Variants in SPTA1 observed in about 807,000 individuals in gnomAD.
SPTA1 encodes the protein spectrin alpha, erythrocytic 1.
SPTA1 carries 177 observed loss-of-function variants against 324.7 expected under a neutral mutation model. The observed-to-expected ratio is 0.55, with a 90% CI of 0.48 to 0.62. The LOEUF (loss-of-function observed/expected upper bound fraction) is 0.62, where lower values mean the gene tolerates loss of function less well. SPTA1 is among the 20% of genes least tolerant of loss of function. The pLI, the probability that SPTA1 is intolerant of heterozygous loss-of-function variation, is 0.00. For synonymous variants in SPTA1, 1,195 were observed against 1,041.3 expected (o/e 1.15, Z -2.84); for missense variants, 3,162 against 2,883.6 (o/e 1.10, Z -2.21).
chr1:158,659,813 T>G lies in SPTA1; in HGVS notation c.2587+1474A>C, dbSNP rs1653088564. On this transcript the variant is annotated intron_variant, in intron 18 of 51. Coordinates refer to ENST00000643759, the MANE Select transcript of SPTA1 (RefSeq NM_003126.4). ...TTTTAGTAGAGACGGGGTTTCACCT[T>G]GTTAGCCAGGATGGTCTCGATCTCC... Among the ~76,000 whole-genome samples, 2 of 67,534 alleles carry G rather than the reference T, an allele frequency of 3.0e-5. 1 individual carries two copies. The highest frequency in any genetic ancestry group is 2.9e-4 in the Admixed American group (2 of 7,006). The allele number at this position is 67,534 out of a possible 152,430, so 44.3% of individuals were successfully genotyped here. A position where few individuals can be genotyped will look rare whatever the true frequency, so the allele number is the denominator to read the frequency against.
intron 42 of SPTA1, among the ~76,000 whole-genome samples, chr1:158,623,814 A>G (rs1439623844): frequency 6.6e-6 from 1 of 152,212 alleles, no homozygotes; most frequent in Non-Finnish European, 1.5e-5. Context: ...CAGAGACTGG[A>G]GTGCTACTAT....
intron 45 of SPTA1, among the ~76,000 whole-genome samples, chr1:158,618,543 C>T (rs1000692977): frequency 4.6e-5 from 7 of 152,194 alleles, no homozygotes; most frequent in African/African-American, 1.7e-4. Context: ...ACCATGTATT[C>T]TAATATATTA....
chr1:158,619,417 C>T lies in SPTA1; in HGVS notation c.6418-83G>A, dbSNP rs1320186152. 1.1e-5 allele frequency: 15 copies of T among 1,306,320 alleles called. No individual in the cohort carries two copies. The South Asian group carries it at 1.5e-4, about 13-fold the overall frequency. The allele number at this position is 1,306,320 out of a possible 1,614,324, so 80.9% of individuals were successfully genotyped here. A position where few individuals can be genotyped will look rare whatever the true frequency, so the allele number is the denominator to read the frequency against. ...GAGAATTGGTTTGTAGGCTTAACTG[C>T]ATATCTTTCCTCTCTCAAGTCTAAC... On this transcript the variant is annotated intron_variant, in intron 44 of 51. Transcript: ENST00000643759.
chr1:158,661,794 T>C (rs1012007730), intron 17 of SPTA1, among the ~76,000 whole-genome samples: 9 of 152,236 alleles, frequency 5.9e-5, no homozygotes, highest in African/African-American at 1.9e-4. Flanking sequence ...AGAAAGTTTT[T>C]AAATCTTCTA....
intron 27 of SPTA1, among the ~76,000 whole-genome samples, 161 bp from the exon 28 acceptor site, chr1:158,645,755 T>A (rs547646600): frequency 3.9e-5 from 6 of 152,358 alleles, no homozygotes; most frequent in African/African-American, 1.4e-4. Flanking sequence ...TTTTATTATA[T>A]CACCTAATGA....
chr1:158,674,374 G>A lies in SPTA1; in HGVS notation c.1305C>T (p.Asp435=), dbSNP rs1308245347. The change falls in exon 10 of 52, where the codon GAC becomes GAT. Residue 435 remains aspartate, a synonymous_variant. Coordinates refer to ENST00000643759, the MANE Select transcript of SPTA1 (RefSeq NM_003126.4). ...AGGCTTCATGATTGGCATTCACGAG[G>A]TCTTGACCAGTCTCATCAGCAGATT... ...RFQSADETGQ[D]LVNANHEASD... 5.0e-6 allele frequency: 8 copies of A among 1,614,024 alleles called. No homozygotes were observed. The highest frequency in any genetic ancestry group is 6.8e-6 in the Non-Finnish European group (8 of 1,179,950).
In SPTA1 at chr1:158,620,172, CA is replaced by C. The variant is rs767854151; in HGVS notation, c.6414del (p.Ile2138MetfsTer72). On this transcript the variant is annotated frameshift_variant, in exon 44 of 52. Transcript: ENST00000643759. LOFTEE classifies it high-confidence loss of function. ...ERTWKHLSDI[I>X]EEREQELQKE... ...GTTTCTGCCGTGTTCCAGGTTACCT[CA>C]ATGATGTCAGATAGGTGCTTCCAGG... 1.2e-6 allele frequency: 2 copies of C among 1,614,110 alleles called. No individual in the cohort carries two copies. The highest frequency in any genetic ancestry group is 3.3e-5 in the Admixed American group (2 of 60,024).
At position 158,654,602 on chromosome 1, in the gene SPTA1, A is replaced by C; in HGVS notation, c.3036+9T>G. 2 of 1,614,020 alleles carry C rather than the reference A, an allele frequency of 1.2e-6. No homozygotes were observed. Among genetic ancestry groups the C allele is most frequent in the Non-Finnish European group, 1.7e-6 (2 of 1,179,980 alleles). On this transcript the variant is annotated intron_variant, in intron 21 of 51. Transcript: ENST00000643759. ...ACTTTTTGATGGAAAGATTAGAAGG[A>C]AAAGTCACCTTATTGATGGAACTGA...
intron 19 of SPTA1, among the ~76,000 whole-genome samples, chr1:158,657,140 T>C (rs1474261306): frequency 6.6e-6 from 1 of 152,222 alleles, no homozygotes; most frequent in African/African-American, 2.4e-5. Context: ...AATTAAGGTG[T>C]CTCTATCTTA....
chr1:158,615,083 C>A, intron 48 of SPTA1, 133 bp downstream of exon 48: 4 of 916,798 alleles, frequency 4.4e-6, no homozygotes, highest in South Asian at 1.5e-5. Context: ...TTCCGTGGGG[C>A]AGTAAAGACC....
intron 39 of SPTA1, among the ~76,000 whole-genome samples, chr1:158,632,009 C>A (rs183163941): frequency 6.6e-6 from 1 of 152,208 alleles, no homozygotes; most frequent in African/African-American, 2.4e-5. Flanking sequence ...TTCATTGCAG[C>A]ATTATTAACA....
intron 20 of SPTA1, among the ~76,000 whole-genome samples, 154 bp downstream of exon 20, chr1:158,656,410 G>A (rs1028002514): frequency 2.0e-5 from 3 of 152,162 alleles, no homozygotes; most frequent in African/African-American, 7.2e-5. Context: ...CTAAATTGTG[G>A]ATGCTACAGT....
At position 158,653,321 on chromosome 1, in the gene SPTA1, T is replaced by A; in HGVS notation, c.3141A>T (p.Arg1047=). 6.2e-7 allele frequency: 1 copy of A among 1,614,132 alleles called. No homozygotes were observed. Among genetic ancestry groups the A allele is most frequent in the Non-Finnish European group, 8.5e-7 (1 of 1,180,008 alleles). Residue 1047 remains arginine (R), a synonymous_variant, in exon 22 of 52, where the codon CGA becomes CGT. Transcript: ENST00000643759. ...GCTGGGTGATGTTTCCTGGCTCTTC[T>A]CGTCGCCGCTGTGGGAGCATCGGGA... The part of the protein sequence containing the change: ...DEFPMLPQRR[R]EEPGNITQRQ...
At chr1:158,654,209 C>T (rs956483038) in intron 21 of SPTA1, among the ~76,000 whole-genome samples, 1 of 152,150 alleles carries the variant, frequency 6.6e-6, no homozygotes, top group South Asian at 2.1e-4. Flanking sequence ...TGACAAAAGA[C>T]TCATCTTTTG....
At position 158,614,316 on chromosome 1, in the gene SPTA1, A is replaced by AAAAAG; in HGVS notation, c.6789-11_6789-10insCTTTT. The AAAAAG allele has an allele frequency of 6.3e-7, 1 of 1,576,810 alleles. No individual in the cohort carries two copies. Among genetic ancestry groups the AAAAAG allele is most frequent in the Non-Finnish European group, 8.7e-7 (1 of 1,150,322 alleles). On this transcript the variant is annotated splice_polypyrimidine_tract_variant and intron_variant, in intron 48 of 51. Transcript: ENST00000643759. The stretch of plus-strand genomic sequence containing the variant: ...CACACCTTTGATGTCCCTGAAAGAA[A>AAAAAG]AAAAAAAAACATGAATTTTCCCTGT...
At position 158,635,992 on chromosome 1, in the gene SPTA1, C is replaced by A; in HGVS notation, c.5353G>T (p.Val1785Leu). The change falls in exon 38 of 52, where the codon GTG (valine) becomes TTG (leucine). Residue 1785 changes from valine (V) to leucine (L), a missense_variant. Transcript: ENST00000643759. ...CGCAACTGGATCTCCTCTTGCCCCA[C>A]AGCAGCCTTGTCTTTCAGCTTCTCT... ...MAEKLKDKAAVGQEEIQLRLA... is the reference protein window; with the variant it reads ...MAEKLKDKAALGQEEIQLRLA... 1 of 1,614,168 alleles carries A rather than the reference C, an allele frequency of 6.2e-7. No individual in the cohort carries two copies. The highest frequency in any genetic ancestry group is 8.5e-7 in the Non-Finnish European group (1 of 1,180,024).
chr1:158,634,394 T>C, intron 39 of SPTA1, 149 bp downstream of exon 39: 6 of 1,212,350 alleles, frequency 4.9e-6, no homozygotes, highest in Non-Finnish European at 7.1e-6. Flanking sequence ...ACTTTAATTT[T>C]TCGTATTTAA....
At chr1:158,616,859 C>A (rs1312601235) in intron 47 of SPTA1, among the ~76,000 whole-genome samples, 1 of 152,080 alleles carries the variant, frequency 6.6e-6, no homozygotes, top group Non-Finnish European at 1.5e-5. Context: ...AGTGGCTGTA[C>A]TATTTCCACT....
intron 35 of SPTA1, among the ~76,000 whole-genome samples, chr1:158,638,881 A>T (rs1651311212): frequency 1.3e-5 from 2 of 151,840 alleles, no homozygotes; most frequent in Non-Finnish European, 2.9e-5. Context: ...AGATTGATTG[A>T]TTCAATATTC....
Sources: gnomAD v4.1 joint callset for allele counts (sites outside exome capture counted in the v4.1 genomes callset) on GRCh38, gnomAD v4.1.1 for gene constraint, MANE v1.5 for transcripts, NCBI Gene and HGNC (gene_info 2026-07-23, HGNC 2026-07-21) for gene names.